MMP16: variants seen among roughly 807,000 people sequenced by gnomAD.
MMP16 encodes matrix metallopeptidase 16.
In MMP16, 12 loss-of-function variants were observed where a neutral mutation model predicts 67.8. The observed-to-expected ratio is 0.18, with a 90% CI of 0.11 to 0.29. MMP16 has a LOEUF of 0.29. MMP16 is among the 10% of genes least tolerant of loss of function. The pLI is 1.00. For synonymous variants in MMP16, 249 were observed against 255.9 expected (o/e 0.97, Z 0.26); for missense variants, 475 against 765.7 (o/e 0.62, Z 4.48).
At chr8:88,084,537 A>G (rs2664355) in intron 6 of MMP16, among the ~76,000 whole-genome samples, 67,633 of 151,782 alleles carry the variant, frequency 0.45, 15,493 homozygotes, top group East Asian at 0.66. Flanking sequence ...GTCAAAAGCA[A>G]CACATAGATA....
intron 1 of MMP16, among the ~76,000 whole-genome samples, chr8:88,304,629 TG>T (rs891451007): frequency 6.6e-6 from 1 of 152,142 alleles, no homozygotes; most frequent in African/African-American, 2.4e-5. Flanking sequence ...CAGAAGAGAT[TG>T]GGGGCCAATA....
chr8:88,164,837 A>T (rs1327228111), intron 4 of MMP16, among the ~76,000 whole-genome samples: 1 of 151,870 alleles, frequency 6.6e-6, no homozygotes, highest in Non-Finnish European at 1.5e-5. Flanking sequence ...GAATACTCTC[A>T]GCCAAAAGTG....
chr8:88,247,824 A>G (rs1033987492), intron 1 of MMP16, among the ~76,000 whole-genome samples: 2 of 152,042 alleles, frequency 1.3e-5, no homozygotes. Flanking sequence ...ATGGGGGCAC[A>G]TAACAGTGTA....
intron 4 of MMP16, among the ~76,000 whole-genome samples, chr8:88,126,053 C>G (rs931593337): frequency 2.0e-5 from 3 of 151,804 alleles, no homozygotes; most frequent in Non-Finnish European, 4.4e-5. Flanking sequence ...ATATGGCAAT[C>G]CTGGTAATAT....
chr8:88,253,642 T>C (rs771620328), intron 1 of MMP16, among the ~76,000 whole-genome samples: 1 of 151,948 alleles, frequency 6.6e-6, no homozygotes, highest in East Asian at 1.9e-4. Context: ...TGTTGCTTTG[T>C]ACCTCGTAAA....
intron 8 of MMP16, among the ~76,000 whole-genome samples, chr8:88,050,938 C>T (rs1472928320): frequency 6.6e-6 from 1 of 152,158 alleles, no homozygotes; most frequent in Non-Finnish European, 1.5e-5. Flanking sequence ...TTTTATTACA[C>T]TCTTTTGTAG....
intron 7 of MMP16, among the ~76,000 whole-genome samples, chr8:88,056,656 A>C (rs908130163): frequency 5.3e-5 from 8 of 152,144 alleles, no homozygotes; most frequent in Non-Finnish European, 1.0e-4. Context: ...TCATTCCTGT[A>C]TTTTGAGCAA....
intron 4 of MMP16, among the ~76,000 whole-genome samples, chr8:88,128,661 C>G (rs1586165340): frequency 6.6e-6 from 1 of 151,836 alleles, no homozygotes. Context: ...CTTCCTGTCT[C>G]TATGGGAAGG....
chr8:88,062,725 G>C (rs560608887), intron 7 of MMP16, among the ~76,000 whole-genome samples: 39 of 152,122 alleles, frequency 2.6e-4, no homozygotes, highest in Admixed American at 1.0e-3. Context: ...GTTAATGGGT[G>C]CAGCACACCA....
At chr8:88,111,747 C>G (rs1025811435) in intron 6 of MMP16, among the ~76,000 whole-genome samples, 5 of 151,638 alleles carry the variant, frequency 3.3e-5, no homozygotes, top group Non-Finnish European at 7.4e-5. Context: ...AAAAACCAAT[C>G]TGGGGGATAC....
At chr8:88,321,516 T>C (rs1469072820) in intron 1 of MMP16, among the ~76,000 whole-genome samples, 1 of 152,148 alleles carries the variant, frequency 6.6e-6, no homozygotes, top group East Asian at 1.9e-4. Flanking sequence ...TGCCAATGTA[T>C]TTACTACTCA....
At chr8:88,322,016 G>C (rs997349120) in intron 1 of MMP16, among the ~76,000 whole-genome samples, 1 of 151,938 alleles carries the variant, frequency 6.6e-6, no homozygotes, top group African/African-American at 2.4e-5. Context: ...TTCTTTTTCA[G>C]TCAATTCTTA....
At chr8:88,044,211 C>T (rs1030384915) in intron 9 of MMP16, among the ~76,000 whole-genome samples, 9 of 152,036 alleles carry the variant, frequency 5.9e-5, no homozygotes, top group African/African-American at 1.7e-4. Flanking sequence ...TTTGGGAGGC[C>T]GAGGCAAGAG....
In MMP16 at chr8:88,143,769, C is replaced by A. The variant is rs143728175; in HGVS notation, c.709+23900G>T. Among the ~76,000 whole-genome samples, 722 of 151,742 alleles carry A rather than the reference C, an allele frequency of 4.8e-3. 4 individuals carry two copies. The highest frequency in any genetic ancestry group is 0.017 in the African/African-American group (686 of 41,418). On this transcript the variant is annotated intron_variant, in intron 4 of 9. Transcript: ENST00000286614. ...GCAGAAATTCATACAGAAACAATAA[C>A]TGAAATTAAGAGGTAGAAAAGACCT...
intron 1 of MMP16, among the ~76,000 whole-genome samples, chr8:88,289,689 AACACACACACACACACACACAC>A (rs4043664): frequency 6.9e-6 from 1 of 144,160 alleles, no homozygotes. Flanking sequence ...TCCTAGAGGA[AACACACACACACACACACACAC>A]ACACACACAC....
In MMP16 at chr8:88,032,688, T is replaced by C. The variant is rs1386312735; in HGVS notation, c.*8773A>G. 7.1e-6 allele frequency: 1 copy of C among 141,710 alleles called. No homozygotes were observed. Among genetic ancestry groups the C allele is most frequent in the Non-Finnish European group, 1.5e-5 (1 of 65,366 alleles). The allele number at this position is 141,710 out of a possible 1,614,324, so 8.8% of individuals were successfully genotyped here. On this transcript the variant is annotated 3_prime_UTR_variant, in exon 10 of 10. Transcript: ENST00000286614. ...TTTGCACACAAACAAGCTTTGTGTTTGTCAGTAGAAGCTATCTGAAAAAAA... is the reference window on the plus strand; with the variant it reads ...TTTGCACACAAACAAGCTTTGTGTTCGTCAGTAGAAGCTATCTGAAAAAAA...
At chr8:88,258,749 C>T (rs972186228) in intron 1 of MMP16, among the ~76,000 whole-genome samples, 3 of 151,888 alleles carry the variant, frequency 2.0e-5, no homozygotes, top group South Asian at 2.1e-4. Flanking sequence ...TGCTATTGTT[C>T]GCCTATCTCA....
intron 1 of MMP16, among the ~76,000 whole-genome samples, chr8:88,215,141 T>C (rs1809569833): frequency 6.6e-6 from 1 of 152,040 alleles, no homozygotes; most frequent in Non-Finnish European, 1.5e-5. Context: ...CTGACCAACA[T>C]GGTGAAACCC....
At chr8:88,212,436 A>G (rs1563563755) in intron 1 of MMP16, among the ~76,000 whole-genome samples, 2 of 152,184 alleles carry the variant, frequency 1.3e-5, no homozygotes, top group Admixed American at 6.6e-5. Flanking sequence ...AAAACAGTAG[A>G]TAAAAATTAT....
Sources: gnomAD v4.1 joint callset for allele counts (sites outside exome capture counted in the v4.1 genomes callset) on GRCh38, gnomAD v4.1.1 for gene constraint, MANE v1.5 for transcripts, NCBI Gene and HGNC (gene_info 2026-07-23, HGNC 2026-07-21) for gene names.